BRCA1: variants seen among roughly 807,000 people sequenced by gnomAD.
The protein encoded by BRCA1 is BRCA1 DNA repair associated.
Under a neutral mutation model 173.7 loss-of-function variants are expected in BRCA1, and 140 were observed. The observed-to-expected ratio is 0.81, with a 90% CI of 0.70 to 0.93. BRCA1 has a LOEUF of 0.93. Among genes scored for constraint, BRCA1 ranks in the 40% least tolerant of loss-of-function variants. The pLI is 0.00. For synonymous variants in BRCA1, 662 were observed against 756.0 expected (o/e 0.88, Z 2.04); for missense variants, 1,983 against 2,172.5 (o/e 0.91, Z 1.73).
intron 1 of BRCA1, chr17:43,145,264 T>A: frequency 1.5e-6 from 1 of 667,720 alleles, no homozygotes; most frequent in Non-Finnish European, 2.9e-6. Flanking sequence ...ATGAATACCA[T>A]AGACCATGTC....
At chr17:43,118,374 T>C (rs1424189395) in intron 2 of BRCA1, among the ~76,000 whole-genome samples, 14 of 152,262 alleles carry the variant, frequency 9.2e-5, no homozygotes, top group South Asian at 6.2e-4. Context: ...TTCTGGTCTT[T>C]TTAATTTTCT....
intron 1 of BRCA1, among the ~76,000 whole-genome samples, chr17:43,149,913 C>T (rs777670620): frequency 6.6e-6 from 1 of 151,996 alleles, no homozygotes. Context: ...CTCAACCACC[C>T]GAGTAGCTGG....
upstream of BRCA1, among the ~76,000 whole-genome samples, chr17:43,129,477 CTTT>C (rs953609558): frequency 9.3e-4 from 139 of 148,810 alleles, no homozygotes; most frequent in African/African-American, 3.4e-3. Context: ...TCTTTTTTTT[CTTT>C]TTTTTTTGAG....
In BRCA1 at chr17:43,092,235, G is replaced by A. The variant is rs80357201; in HGVS notation, c.3296C>T (p.Pro1099Leu). Residue 1099 changes from proline to leucine, a missense_variant, in exon 10 of 23, where the codon CCT (proline) becomes CTT (leucine). Coordinates refer to ENST00000357654, the MANE Select transcript of BRCA1 (RefSeq NM_007294.4). The stretch of plus-strand genomic sequence containing the variant: ...TTCAGGATGCTTACAATTACTTCCA[G>A]GAAGACTTTGTTTATAGACCTCAGG... ...LQPEVYKQSL[P>L]GSNCKHPEIK... is the part of the protein sequence containing the mutation. The A allele has an allele frequency of 2.6e-4, 425 of 1,613,482 alleles. No individual in the cohort carries two copies. The highest frequency in any genetic ancestry group is 7.8e-4 in the South Asian group (71 of 91,076).
intron 21 of BRCA1, among the ~76,000 whole-genome samples, 185 bp downstream of exon 21, chr17:43,048,936 T>C (rs1183795917): frequency 1.3e-5 from 2 of 152,068 alleles, no homozygotes; most frequent in Non-Finnish European, 2.9e-5. Context: ...CCTCAGTATA[T>C]TTAATATGTG....
intron 1 of BRCA1, among the ~76,000 whole-genome samples, chr17:43,154,926 C>A (rs1340966865): frequency 6.6e-6 from 1 of 152,038 alleles, no homozygotes; most frequent in Non-Finnish European, 1.5e-5. Context: ...GACTAGAGGA[C>A]AGCTTAATAA....
intron 3 of BRCA1, among the ~76,000 whole-genome samples, chr17:43,110,105 A>G (rs2054969884): frequency 6.6e-6 from 1 of 152,010 alleles, no homozygotes; most frequent in Non-Finnish European, 1.5e-5. Flanking sequence ...CATGTTAGCC[A>G]GGATGGTCTC....
chr17:43,120,592 C>T (rs543189924), intron 2 of BRCA1, among the ~76,000 whole-genome samples: 2 of 150,744 alleles, frequency 1.3e-5, no homozygotes, highest in African/African-American at 2.4e-5. Context: ...GGTGAAACCC[C>T]GTCTCTACTA....
At position 43,074,371 on chromosome 17, in the gene BRCA1, G is replaced by A. The variant is rs373686790; in HGVS notation, c.4635C>T (p.His1545=). Reference sequence around the variant, plus strand: ...GCAAGTAAGATGTTTCCGTCAAATCGTGTGGCCCAGACTCTTCCAGCTGTT... The same window carrying A: ...GCAAGTAAGATGTTTCCGTCAAATCATGTGGCCCAGACTCTTCCAGCTGTT... The part of the protein sequence containing the change: ...EEQQLEESGP[H]DLTETSYLPR... Residue 1545 remains histidine (H), a synonymous_variant, in exon 14 of 23, where the codon CAC becomes CAT. Transcript: ENST00000357654. The A allele has an allele frequency of 6.8e-6, 11 of 1,613,904 alleles. No homozygotes were observed. Among genetic ancestry groups the A allele is most frequent in the African/African-American group, 5.3e-5 (4 of 74,886 alleles).
At chr17:43,139,820 C>T (rs2056061089) in intron 1 of BRCA1, 1 of 461,432 alleles carries the variant, frequency 2.2e-6, no homozygotes. Flanking sequence ...TCTTAGTTTG[C>T]TGAGGATAAT....
At chr17:43,131,312 G>C (rs1054589808) in intron 1 of BRCA1, 1 of 477,630 alleles carries the variant, frequency 2.1e-6, no homozygotes, top group Non-Finnish European at 4.1e-6. Flanking sequence ...GTTCAGAATA[G>C]GGATCTTATT....
intron 1 of BRCA1, chr17:43,160,738 TCTCA>T (rs999514998): frequency 3.3e-5 from 5 of 152,158 alleles, no homozygotes; most frequent in Admixed American, 2.0e-4. Flanking sequence ...ACTTTGAGAC[TCTCA>T]CTCAATAGCA....
At chr17:43,063,414 G>C (rs2153570407) in intron 17 of BRCA1, 41 bp from the exon 18 acceptor site, 1 of 1,541,398 alleles carries the variant, frequency 6.5e-7, no homozygotes, top group Non-Finnish European at 9.0e-7. Flanking sequence ...TACAGCAGAA[G>C]AACGTGCTCT....
chr17:43,109,391 G>A (rs1014021568), intron 3 of BRCA1, among the ~76,000 whole-genome samples: 10 of 152,128 alleles, frequency 6.6e-5, no homozygotes, highest in African/African-American at 1.9e-4. Flanking sequence ...TTGTAGCAAA[G>A]CCCACAATCT....
chr17:43,044,946 G>A lies in BRCA1; in HGVS notation c.*732C>T, dbSNP rs964181721. 3.6e-5 allele frequency: 17 copies of A among 476,348 alleles called. No individual in the cohort carries two copies. The highest frequency in any genetic ancestry group is 2.4e-4 in the Admixed American group (10 of 41,326). 29.5% of individuals were successfully genotyped at this position (476,348 alleles called of 1,614,324 possible). A position where few individuals can be genotyped will look rare whatever the true frequency, so the allele number is the denominator to read the frequency against. On this transcript the variant is annotated 3_prime_UTR_variant, in exon 23 of 23. Transcript: ENST00000357654. ...AGCCACCTGAGTAGCTGGGATTACAGGTGTCCACCACCATGACCGGCTAAT... is the reference window on the plus strand; with the variant it reads ...AGCCACCTGAGTAGCTGGGATTACAAGTGTCCACCACCATGACCGGCTAAT...
At chr17:43,062,503 TA>T (rs2051807290) in intron 18 of BRCA1, among the ~76,000 whole-genome samples, 1 of 152,238 alleles carries the variant, frequency 6.6e-6, no homozygotes, top group African/African-American at 2.4e-5. Flanking sequence ...TTTCCTTTTA[TA>T]AAACTCCTTT....
Position 43,047,673 on chromosome 17 carries a change from C to T in BRCA1, c.5437G>A (p.Asp1813Asn), listed in dbSNP as rs1303996018. ...AAGCCATTGTCCTCTGTCCAGGCAT[C>T]TGGCTGCACAACCACAATTGGGTGG... is the stretch of plus-strand genomic sequence containing the variant. ...GVHPIVVVQP[D>N]AWTEDNGFHA... is the part of the protein sequence containing the mutation. The change falls in exon 22 of 23, where the codon GAT becomes AAT. Residue 1813 changes from aspartate (D) to asparagine (N), a missense_variant. Coordinates refer to ENST00000357654, the MANE Select transcript of BRCA1 (RefSeq NM_007294.4). 3 of 1,614,240 alleles carry T rather than the reference C, an allele frequency of 1.9e-6. No homozygotes were observed. Among genetic ancestry groups the T allele is most frequent in the Non-Finnish European group, 2.5e-6 (3 of 1,180,038 alleles).
At chr17:43,081,027 A>C (rs1425489407) in intron 12 of BRCA1, among the ~76,000 whole-genome samples, 1 of 152,234 alleles carries the variant, frequency 6.6e-6, no homozygotes, top group Non-Finnish European at 1.5e-5. Context: ...AACAATTCAG[A>C]AATTAAGCAT....
chr17:43,045,549 T>G lies in BRCA1; in HGVS notation c.*129A>C. 7.2e-7 allele frequency: 1 copy of G among 1,387,816 alleles called. No individual in the cohort carries two copies. 86.0% of individuals were successfully genotyped at this position (1,387,816 alleles called of 1,614,324 possible). On this transcript the variant is annotated 3_prime_UTR_variant, in exon 23 of 23. Transcript: ENST00000357654. Reference sequence around the variant, plus strand: ...GCCAGAAGTCCTTTTCAGGCTGATGTACATAAAATATTTAGTAGCCAGGAC... The same window carrying G: ...GCCAGAAGTCCTTTTCAGGCTGATGGACATAAAATATTTAGTAGCCAGGAC...
Sources: gnomAD v4.1 joint callset for allele counts (sites outside exome capture counted in the v4.1 genomes callset) on GRCh38, gnomAD v4.1.1 for gene constraint, MANE v1.5 for transcripts, NCBI Gene and HGNC (gene_info 2026-07-23, HGNC 2026-07-21) for gene names.